Variants in COX20 observed in about 807,000 individuals in gnomAD.
The protein encoded by COX20 is cytochrome c oxidase assembly protein COX20, mitochondrial.
In COX20, 14 loss-of-function variants were observed where a neutral mutation model predicts 14.3. That is an observed-to-expected ratio of 0.98 (90% CI 0.65 to 1.53). The LOEUF is 1.53. COX20 is among the 40% of genes most tolerant of loss of function. The pLI, the probability that COX20 is intolerant of heterozygous loss-of-function variation, is 0.00. For synonymous variants in COX20, 56 were observed against 51.7 expected, an observed-to-expected ratio of 1.08 and a Z score of -0.36; for missense variants, 149 against 142.1, an observed-to-expected ratio of 1.05 and a Z score of -0.25.
chr1:244,835,790 G>T, intron 1 of COX20, 34 bp downstream of exon 1: 1 of 1,245,338 alleles, frequency 8.0e-7, no homozygotes. Flanking sequence ...CGCGCCGCGG[G>T]TGGGCGGTGG....
chr1:244,836,654 G>C (rs778152239), intron 1 of COX20: 2 of 731,326 alleles, frequency 2.7e-6, no homozygotes, highest in Non-Finnish European at 4.4e-6. Context: ...ATAAACTAGG[G>C]AGATCGTAAC....
intron 1 of COX20, chr1:244,840,565 C>G (rs1680160942): frequency 6.6e-6 from 1 of 152,126 alleles, no homozygotes; most frequent in Non-Finnish European, 1.5e-5. Context: ...TACTGCAAAG[C>G]TTTGAAGCAA....
rs1438255385 is a variant in COX20, at chr1:244,835,680, C to T, written c.-35C>T. The T allele has an allele frequency of 8.1e-6, 10 of 1,232,296 alleles. No homozygotes were observed. In the East Asian group the frequency reaches 2.9e-4, roughly 36 times the overall value. 76.3% of individuals were successfully genotyped at this position (1,232,296 alleles called of 1,614,324 possible). ...CGGGCTTCTGCTTCCGCGACCCCGG[C>T]GGTGCAGGGCGGGTGGAGTCGCGGA... is the stretch of plus-strand genomic sequence containing the variant. On this transcript the variant is annotated 5_prime_UTR_variant, in exon 1 of 4. Coordinates refer to ENST00000411948, the MANE Select transcript of COX20 (RefSeq NM_198076.6).
upstream of COX20, chr1:244,835,492 GGAA>G (rs1679933287): frequency 2.6e-6 from 1 of 386,866 alleles, no homozygotes; most frequent in Non-Finnish European, 4.6e-6. Flanking sequence ...TGCCGAGCTT[GGAA>G]GAAAGTGTGA....
At chr1:244,835,557 G>A, upstream of COX20, 2 of 456,370 alleles carry the variant, frequency 4.4e-6, no homozygotes, top group Non-Finnish European at 7.1e-6. Context: ...CGGCCACTGC[G>A]GAGCGTTAGG....
intron 1 of COX20, chr1:244,841,018 T>C (rs1680179621): frequency 6.6e-6 from 1 of 152,250 alleles, no homozygotes; most frequent in South Asian, 2.1e-4. Context: ...TCTAAACTTT[T>C]GTGTTAACAG....
chr1:244,837,085 G>A (rs1018849114), intron 1 of COX20, among the ~76,000 whole-genome samples: 1 of 151,642 alleles, frequency 6.6e-6, no homozygotes, highest in Non-Finnish European at 1.5e-5. Context: ...GGTCATAAAG[G>A]TGGTTTAATC....
chr1:244,840,172 C>T (rs1279051921), intron 1 of COX20: 1 of 152,096 alleles, frequency 6.6e-6, no homozygotes, highest in Non-Finnish European at 1.5e-5. Context: ...ATAAAATTTC[C>T]TAAAGCAGTG....
intron 3 of COX20, 191 bp from the exon 4 acceptor site, chr1:244,842,846 TAATA>T (rs1680261773): frequency 4.7e-6 from 2 of 422,836 alleles, no homozygotes; most frequent in South Asian, 4.3e-5. Context: ...CTTTTTTTCC[TAATA>T]AAAAAAGAAT....
Position 244,843,350 on chromosome 1 carries a change from G to A in COX20, c.*174G>A, listed in dbSNP as rs554446213. ...TATTCTGGCCCTGTGTCTACTGCCA[G>A]GATAGCATTCTTACGTGTTACATAT... is the stretch of plus-strand genomic sequence containing the variant. On this transcript the variant is annotated 3_prime_UTR_variant, in exon 4 of 4. Transcript: ENST00000411948. 1.1e-5 allele frequency: 7 copies of A among 636,546 alleles called. No homozygotes were observed. The highest frequency in any genetic ancestry group is 6.4e-5 in the South Asian group (3 of 47,244). The allele number at this position is 636,546 out of a possible 1,614,324, so 39.4% of individuals were successfully genotyped here.
chr1:244,843,272 T>C lies in COX20; in HGVS notation c.*96T>C, dbSNP rs1680289397. On this transcript the variant is annotated 3_prime_UTR_variant, in exon 4 of 4. Coordinates refer to ENST00000411948, the MANE Select transcript of COX20 (RefSeq NM_198076.6). ...AGCTCTCAATCAAGTAAATAAAGTT[T>C]AAGTTGTAGTCATTTTTTTCCCACA... 2 of 1,390,874 alleles carry C rather than the reference T, an allele frequency of 1.4e-6. No individual in the cohort carries two copies. The highest frequency in any genetic ancestry group is 1.9e-6 in the Non-Finnish European group (2 of 1,026,428). The allele number at this position is 1,390,874 out of a possible 1,614,324, so 86.2% of individuals were successfully genotyped here. A position where few individuals can be genotyped will look rare whatever the true frequency, so the allele number is the denominator to read the frequency against.
intron 1 of COX20, among the ~76,000 whole-genome samples, chr1:244,836,103 T>C (rs1451041297): frequency 2.0e-5 from 3 of 152,196 alleles, no homozygotes; most frequent in Non-Finnish European, 2.9e-5. Context: ...AGATTAAAGC[T>C]CCGTTGAGGA....
At chr1:244,835,783 G>A in intron 1 of COX20, 27 bp downstream of exon 1, 1 of 1,248,034 alleles carries the variant, frequency 8.0e-7, no homozygotes, top group South Asian at 3.4e-5. Context: ...CGGGGCGCGC[G>A]CCGCGGGTGG....
At chr1:244,841,321 G>A (rs41269399) in intron 1 of COX20, 6,702 of 152,270 alleles carry the variant, frequency 0.044, 209 homozygotes, top group Non-Finnish European at 0.067. Flanking sequence ...CTTAGCTGTC[G>A]TTCCCATGTA....
At chr1:244,840,310 GTCTCA>G (rs1558177274) in intron 1 of COX20, 1 of 152,126 alleles carries the variant, frequency 6.6e-6, no homozygotes, top group Non-Finnish European at 1.5e-5. Flanking sequence ...GTACAAGCTG[GTCTCA>G]CACTTGCATC....
In COX20 at chr1:244,835,688, G is replaced by T; in HGVS notation, c.-27G>T. ...TGCTTCCGCGACCCCGGCGGTGCAG[G>T]GCGGGTGGAGTCGCGGAGTAGTCCT... On this transcript the variant is annotated 5_prime_UTR_variant, in exon 1 of 4. Transcript: ENST00000411948. The T allele has an allele frequency of 8.0e-7, 1 of 1,250,656 alleles. No individual in the cohort carries two copies. The highest frequency in any genetic ancestry group is 1.0e-6 in the Non-Finnish European group (1 of 996,468). 77.5% of individuals were successfully genotyped at this position (1,250,656 alleles called of 1,614,324 possible).
intron 1 of COX20, among the ~76,000 whole-genome samples, chr1:244,838,555 A>G (rs779965088): frequency 2.0e-5 from 3 of 152,228 alleles, no homozygotes; most frequent in Non-Finnish European, 4.4e-5. Flanking sequence ...AAAAAGTTTC[A>G]AAAACAAATG....
intron 1 of COX20, chr1:244,836,580 ATTT>A: frequency 7.1e-7 from 1 of 1,413,218 alleles, no homozygotes; most frequent in Non-Finnish European, 9.8e-7. Context: ...AGGGAACCTA[ATTT>A]ATATCCTCAG....
In COX20 at chr1:244,843,638, A is replaced by T. The variant is rs1680305918; in HGVS notation, c.*462A>T. The T allele has an allele frequency of 1.3e-5, 2 of 152,480 alleles. No individual in the cohort carries two copies. Among genetic ancestry groups the T allele is most frequent in the African/African-American group, 4.8e-5 (2 of 41,470 alleles). The allele number at this position is 152,480 out of a possible 1,614,324, so 9.4% of individuals were successfully genotyped here. On this transcript the variant is annotated 3_prime_UTR_variant, in exon 4 of 4. Coordinates refer to ENST00000411948, the MANE Select transcript of COX20 (RefSeq NM_198076.6). Reference sequence around the variant, plus strand: ...TTTATCACTTTGCAAATTATTTTTTAAATGCATTCATCATTTGACAGTGTT... The same window carrying T: ...TTTATCACTTTGCAAATTATTTTTTTAATGCATTCATCATTTGACAGTGTT...
Sources: gnomAD v4.1 joint callset for allele counts (sites outside exome capture counted in the v4.1 genomes callset) on GRCh38, gnomAD v4.1.1 for gene constraint, MANE v1.5 for transcripts, NCBI Gene and HGNC (gene_info 2026-07-23, HGNC 2026-07-21) for gene names.